The following DCAF6 variants were observed in gnomAD, a reference collection of about 807,000 sequenced individuals.
The protein encoded by DCAF6 is DDB1- and CUL4-associated factor 6.
DCAF6 carries 54 observed loss-of-function variants against 125.1 expected under a neutral mutation model. That is an observed-to-expected ratio of 0.43 (90% CI 0.35 to 0.54). The LOEUF (loss-of-function observed/expected upper bound fraction) is 0.54. DCAF6 is among the 20% of genes least tolerant of loss of function. DCAF6 has a pLI of 0.01. For synonymous variants in DCAF6, 371 were observed against 390.4 expected (o/e 0.95, Z 0.58); for missense variants, 934 against 1,161.7 (o/e 0.80, Z 2.85).
chr1:167,939,716 T>C (rs1671932400), intron 1 of DCAF6, among the ~76,000 whole-genome samples: 1 of 152,154 alleles, frequency 6.6e-6, no homozygotes, highest in Admixed American at 6.5e-5. Flanking sequence ...TGAGCCAAGA[T>C]TGTGCCACTG....
the DCAF6 span, among the ~76,000 whole-genome samples, chr1:167,872,069 C>A: frequency 6.6e-6 from 1 of 152,014 alleles, no homozygotes; most frequent in African/African-American, 2.4e-5. Context: ...AGGCTGGGAG[C>A]GGTGGCTCAC....
At chr1:167,905,233 T>C in the DCAF6 span, 3 of 1,390,138 alleles carry the variant, frequency 2.2e-6, no homozygotes, top group Non-Finnish European at 3.1e-6. Context: ...AAATCTGATA[T>C]ATTCATTTGC....
chr1:167,912,692 C>A, the DCAF6 span, among the ~76,000 whole-genome samples: 1 of 152,206 alleles, frequency 6.6e-6, no homozygotes, highest in African/African-American at 2.4e-5. Context: ...TCCTTCTTGC[C>A]TATTAAACTC....
chr1:167,921,188 AAAT>A, the DCAF6 span, among the ~76,000 whole-genome samples: 1 of 152,096 alleles, frequency 6.6e-6, no homozygotes, highest in Non-Finnish European at 1.5e-5. Context: ...TTAAAAGTAT[AAAT>A]ATCAGAAAAA....
Position 167,993,218 on chromosome 1 carries a change from T to C in DCAF6, c.689-8T>C, listed in dbSNP as rs776857844. ...TTAATTTTAAATAACTTCTTGTTTCTTTTTTAGGGAATTATGCAGGTCGAG... is the reference window on the plus strand; with the variant it reads ...TTAATTTTAAATAACTTCTTGTTTCCTTTTTAGGGAATTATGCAGGTCGAG... On this transcript the variant is annotated splice_polypyrimidine_tract_variant and splice_region_variant and intron_variant, in intron 6 of 21. Transcript: ENST00000367840. 4.4e-6 allele frequency: 7 copies of C among 1,594,502 alleles called. No homozygotes were observed. Among genetic ancestry groups the C allele is most frequent in the South Asian group, 3.5e-5 (3 of 86,240 alleles).
At chr1:168,039,001 C>T (rs1006719528) in intron 13 of DCAF6, among the ~76,000 whole-genome samples, 7 of 151,906 alleles carry the variant, frequency 4.6e-5, no homozygotes, top group Non-Finnish European at 1.5e-5. Flanking sequence ...ATTTTACTAG[C>T]TGTGTAATAG....
intron 4 of DCAF6, 62 bp downstream of exon 4, chr1:167,975,077 T>C: frequency 5.4e-6 from 6 of 1,109,314 alleles, no homozygotes; most frequent in Non-Finnish European, 7.4e-6. Flanking sequence ...ATTAAGTACA[T>C]ACATGTGTAG....
chr1:167,901,426 C>G, the DCAF6 span, among the ~76,000 whole-genome samples: 1 of 152,114 alleles, frequency 6.6e-6, no homozygotes. Flanking sequence ...ACTACCATAC[C>G]AACTAATTTA....
the DCAF6 span, chr1:167,880,290 T>G: frequency 2.5e-6 from 3 of 1,179,746 alleles, no homozygotes; most frequent in Admixed American, 5.8e-5. Flanking sequence ...TGGGAAAGGG[T>G]GGGAAAGGAT....
chr1:167,960,877 A>G (rs1393177501), intron 2 of DCAF6, among the ~76,000 whole-genome samples: 1 of 152,202 alleles, frequency 6.6e-6, no homozygotes, highest in Non-Finnish European at 1.5e-5. Context: ...ATACCCACAA[A>G]ATAATTTGCT....
At position 167,986,461 on chromosome 1, in the gene DCAF6, A is replaced by G. The variant is rs1173815308; in HGVS notation, c.439-1034A>G. ...ATGGCTGAGTTTGAATACCTTTCAT[A>G]TATACAGTGTTTCAAACATAGGAAT... On this transcript the variant is annotated intron_variant, in intron 4 of 21. Transcript: ENST00000367840. Among the ~76,000 whole-genome samples the G allele has an allele frequency of 5.3e-5, 8 of 152,328 alleles. 1 individual carries two copies. The South Asian group carries it at 1.5e-3, about 28-fold the overall frequency.
intron 16 of DCAF6, among the ~76,000 whole-genome samples, chr1:168,049,430 T>TG (rs1491564119): frequency 5.2e-5 from 3 of 57,790 alleles, no homozygotes; most frequent in East Asian, 9.9e-4. Context: ...TTGTTGTTGT[T>TG]GTTTTTTTTT....
chr1:167,940,588 T>G (rs556076240), intron 1 of DCAF6, among the ~76,000 whole-genome samples: 1 of 152,234 alleles, frequency 6.6e-6, no homozygotes, highest in South Asian at 2.1e-4. Flanking sequence ...TTTCTCAAAT[T>G]ACTGTATACT....
chr1:167,954,851 C>G (rs1674526174), intron 2 of DCAF6, among the ~76,000 whole-genome samples: 3 of 152,150 alleles, frequency 2.0e-5, no homozygotes, highest in Admixed American at 6.5e-5. Flanking sequence ...TACACAAAGT[C>G]ATCACCACAT....
the DCAF6 span, among the ~76,000 whole-genome samples, chr1:167,910,646 T>C: frequency 6.6e-6 from 1 of 152,154 alleles, no homozygotes; most frequent in Non-Finnish European, 1.5e-5. Flanking sequence ...TTTTCTTCAG[T>C]GGAGGGAGCT....
rs138593814 is a variant in DCAF6, at chr1:168,060,825, G to A, written c.2301-2796G>A. Among the ~76,000 whole-genome samples, 702 of 152,250 alleles carry A rather than the reference G, an allele frequency of 4.6e-3. 8 individuals carry two copies. In the East Asian group the frequency reaches 0.058, roughly 13 times the overall value. ...AATTGCTTGAACCTGGGAGGCAGAG[G>A]TTGCAGTGAGCTGAGACCCCGCCAC... On this transcript the variant is annotated intron_variant, in intron 17 of 21. Coordinates refer to ENST00000367840, the MANE Select transcript of DCAF6 (RefSeq NM_001198956.2).
chr1:167,925,442 CATATATAT>C, the DCAF6 span, among the ~76,000 whole-genome samples: 141 of 82,478 alleles, frequency 1.7e-3, 1 homozygote, highest in East Asian at 6.1e-3. Flanking sequence ...TACATATACA[CATATATAT>C]ATATATATAT....
At chr1:167,925,090 C>T in the DCAF6 span, among the ~76,000 whole-genome samples, 1 of 152,050 alleles carries the variant, frequency 6.6e-6, no homozygotes. Context: ...GATGGTAATG[C>T]TACACATTCT....
At chr1:167,941,271 A>G (rs1229207967) in intron 1 of DCAF6, among the ~76,000 whole-genome samples, 2 of 152,188 alleles carry the variant, frequency 1.3e-5, no homozygotes, top group Non-Finnish European at 2.9e-5. Context: ...TAATTCCTTA[A>G]GGCAGGACAC....
Sources: allele counts gnomAD v4.1 joint callset (sites outside exome capture counted in the v4.1 genomes callset), GRCh38; gene constraint gnomAD v4.1.1; transcripts MANE v1.5; gene names NCBI Gene and HGNC (gene_info 2026-07-23, HGNC 2026-07-21).